Variants in EXOC7 observed in about 807,000 individuals in gnomAD.
EXOC7 encodes exocyst complex component Exo70.
Under a neutral mutation model 87.6 loss-of-function variants are expected in EXOC7, and 51 were observed. That is an observed-to-expected ratio of 0.58 (90% CI 0.46 to 0.73). The LOEUF is 0.73. Among genes scored for constraint, EXOC7 ranks in the 30% least tolerant of loss-of-function variants. The pLI is 0.00. For synonymous variants in EXOC7, 327 were observed against 357.1 expected (o/e 0.92, Z 0.95); for missense variants, 744 against 888.4 (o/e 0.84, Z 2.07).
At chr17:76,088,295 G>A in intron 10 of EXOC7, 169 bp downstream of exon 10, 1 of 927,456 alleles carries the variant, frequency 1.1e-6, no homozygotes, top group African/African-American at 1.6e-5. Context: ...CAGAGGGCTT[G>A]GAGGCCCCAG....
chr17:76,092,829 C>T (rs1272654504), intron 6 of EXOC7: 1 of 152,260 alleles, frequency 6.6e-6, no homozygotes, highest in African/African-American at 2.4e-5. Flanking sequence ...GTCGGTGCTT[C>T]ACCACCTGGG....
chr17:76,081,878 C>T lies in EXOC7; in HGVS notation c.*1770G>A. On this transcript the variant is annotated 3_prime_UTR_variant, in exon 19 of 19. Transcript: ENST00000589210. ...AGCATCTCCCTGTGCCCTGCCTCCCCCAGTTTACTACTTCACCATCCTGCT... is the reference window on the plus strand; with the variant it reads ...AGCATCTCCCTGTGCCCTGCCTCCCTCAGTTTACTACTTCACCATCCTGCT... 1 of 1,608,674 alleles carries T rather than the reference C, an allele frequency of 6.2e-7. No individual in the cohort carries two copies. Among genetic ancestry groups the T allele is most frequent in the Non-Finnish European group, 8.5e-7 (1 of 1,176,332 alleles).
At chr17:76,091,608 G>A (rs900886445) in intron 6 of EXOC7, 3 of 193,510 alleles carry the variant, frequency 1.6e-5, no homozygotes, top group Non-Finnish European at 3.2e-5. Context: ...TACCCAGAGG[G>A]CACAACCAGG....
chr17:76,089,824 C>T, intron 7 of EXOC7: 1 of 176,282 alleles, frequency 5.7e-6, no homozygotes, highest in Non-Finnish European at 1.2e-5. Flanking sequence ...TGGTTGGCTG[C>T]AGCTTCTGAG....
intron 12 of EXOC7, among the ~76,000 whole-genome samples, chr17:76,086,459 G>A (rs73996115): frequency 0.063 from 9,576 of 152,172 alleles, 1,009 homozygotes; most frequent in African/African-American, 0.22. Flanking sequence ...TTTCTACAAG[G>A]CCCCCTTTTT....
At chr17:76,090,755 T>C (rs1201431383) in intron 7 of EXOC7, 1 of 543,466 alleles carries the variant, frequency 1.8e-6, no homozygotes, top group Non-Finnish European at 3.3e-6. Flanking sequence ...TTGCCTGTCC[T>C]CTGCTGCACA....
rs1342946807 is a variant in EXOC7, at chr17:76,101,664, G to A, written c.311+15C>T. The A allele has an allele frequency of 3.1e-6, 5 of 1,605,160 alleles. No homozygotes were observed. The highest frequency in any genetic ancestry group is 2.6e-6 in the Non-Finnish European group (3 of 1,174,610). Reference sequence around the variant, plus strand: ...GAGGCATTAGGAATTGACCCTCTGGGCCTCACTCACTCACCCCTCTCTGAT... The same window carrying A: ...GAGGCATTAGGAATTGACCCTCTGGACCTCACTCACTCACCCCTCTCTGAT... On this transcript the variant is annotated intron_variant, in intron 3 of 18. Coordinates refer to ENST00000589210, the MANE Select transcript of EXOC7 (RefSeq NM_001013839.4).
At chr17:76,091,283 A>C in intron 6 of EXOC7, 48 bp from the exon 7 acceptor site, 5 of 1,557,980 alleles carry the variant, frequency 3.2e-6, no homozygotes, top group Non-Finnish European at 4.4e-6. Context: ...CTAGGAAATG[A>C]GTGAGAGAAA....
At chr17:76,093,708 G>A (rs2067609551) in intron 6 of EXOC7, 1 of 152,362 alleles carries the variant, frequency 6.6e-6, no homozygotes, top group South Asian at 2.1e-4. Context: ...GCCAGACATA[G>A]CCGGGCTTGC....
Position 76,101,709 on chromosome 17 carries a change from G to C in EXOC7, c.281C>G (p.Ala94Gly), listed in dbSNP as rs778830153. 6.2e-7 allele frequency: 1 copy of C among 1,613,798 alleles called. No homozygotes were observed. Among genetic ancestry groups the C allele is most frequent in the Non-Finnish European group, 8.5e-7 (1 of 1,179,918 alleles). ...TCTGATGATCTTCTCAGTGTCACTG[G>C]CCACATGGTAGTAGCTGATGACATG... ...LDHVISYYHV[A>G]SDTEKIIREG... The change falls in exon 3 of 19, where the codon GCC becomes GGC. Residue 94 changes from alanine (A) to glycine (G), a missense_variant. By Grantham distance (60) the Ala-to-Gly change is moderately conservative. Transcript: ENST00000589210.
chr17:76,084,640 G>C (rs1289697757), intron 15 of EXOC7, 60 bp from the exon 16 acceptor site: 1 of 1,499,906 alleles, frequency 6.7e-7, no homozygotes. Flanking sequence ...GGCCTGGCTT[G>C]TTTCGTTTGC....
rs73363305 is a variant in EXOC7, at chr17:76,101,562, C to T, written c.311+117G>A. On this transcript the variant is annotated intron_variant, in intron 3 of 18. Coordinates refer to ENST00000589210, the MANE Select transcript of EXOC7 (RefSeq NM_001013839.4). The stretch of plus-strand genomic sequence containing the variant: ...CTGTGTTGTCCAGACTGGTCTTGAA[C>T]TCCTAGTCTCAAGCGATCCTCCCAC... 3.2e-3 allele frequency: 4,439 copies of T among 1,380,916 alleles called. 122 individuals carry two copies. The African/African-American group carries it at 0.057, about 18-fold the overall frequency. The allele number at this position is 1,380,916 out of a possible 1,614,324, so 85.5% of individuals were successfully genotyped here.
intron 6 of EXOC7, 26 bp from the exon 7 acceptor site, chr17:76,091,261 A>G: frequency 6.2e-7 from 1 of 1,601,160 alleles, no homozygotes; most frequent in Non-Finnish European, 8.6e-7. Flanking sequence ...CACAGAGAGG[A>G]GATAAGAAGA....
In EXOC7 at chr17:76,088,125, G is replaced by A; in HGVS notation, c.1300-3C>T. The A allele has an allele frequency of 6.2e-7, 1 of 1,613,640 alleles. No homozygotes were observed. The highest frequency in any genetic ancestry group is 1.1e-5 in the South Asian group (1 of 91,042). ...TTGTACTCCTTGTCCGGGTCATTCT[G>A]TGGAAAAACAGCCTCTGGTTCCCTG... On this transcript the variant is annotated splice_region_variant and splice_polypyrimidine_tract_variant and intron_variant, in intron 10 of 18. Coordinates refer to ENST00000589210, the MANE Select transcript of EXOC7 (RefSeq NM_001013839.4).
Position 76,099,399 on chromosome 17 carries a change from C to T in EXOC7, c.418-1381G>A, listed in dbSNP as rs549052932. On this transcript the variant is annotated intron_variant, in intron 4 of 18. Coordinates refer to ENST00000589210, the MANE Select transcript of EXOC7 (RefSeq NM_001013839.4). Reference sequence around the variant, plus strand: ...GCAGGCACCTATAATCCCAGCTACTCGGGAGGCTGGGACAGGAGAATCGCT... The same window carrying T: ...GCAGGCACCTATAATCCCAGCTACTTGGGAGGCTGGGACAGGAGAATCGCT... 5.3e-5 allele frequency among the ~76,000 whole-genome samples: 8 copies of T among 152,164 alleles called. No homozygotes were observed. The East Asian group carries it at 1.2e-3, about 22-fold the overall frequency.
intron 5 of EXOC7, among the ~76,000 whole-genome samples, chr17:76,094,999 C>T (rs1185905064): frequency 6.6e-6 from 1 of 150,652 alleles, no homozygotes; most frequent in Non-Finnish European, 1.5e-5. Flanking sequence ...CTTACTCTGT[C>T]GCCCAGGCTG....
chr17:76,097,270 A>C (rs1346373078), intron 5 of EXOC7, among the ~76,000 whole-genome samples: 4 of 152,226 alleles, frequency 2.6e-5, no homozygotes, highest in African/African-American at 7.2e-5. Flanking sequence ...AAGGCAAAGG[A>C]ACATAAAAAT....
intron 7 of EXOC7, chr17:76,089,628 C>G (rs1386275439): frequency 2.1e-5 from 9 of 434,980 alleles, no homozygotes; most frequent in Admixed American, 7.0e-5. Context: ...GAATCAGCGT[C>G]CTGGATAAGG....
At chr17:76,097,151 TAAAC>T (rs1213360983) in intron 5 of EXOC7, among the ~76,000 whole-genome samples, 1 of 152,184 alleles carries the variant, frequency 6.6e-6, no homozygotes, top group Non-Finnish European at 1.5e-5. Context: ...CTGGCATAAA[TAAAC>T]CTTAATAGTG....
Sources: gnomAD v4.1 joint callset for allele counts (sites outside exome capture counted in the v4.1 genomes callset) on GRCh38, gnomAD v4.1.1 for gene constraint, MANE v1.5 for transcripts, NCBI Gene and HGNC (gene_info 2026-07-23, HGNC 2026-07-21) for gene names.